The following SSH1 variants were observed in gnomAD, a reference collection of about 807,000 sequenced individuals.
SSH1 encodes the protein protein phosphatase Slingshot homolog 1.
Under a neutral mutation model 79.7 loss-of-function variants are expected in SSH1, and 43 were observed. That is an observed-to-expected ratio of 0.54 (90% CI 0.42 to 0.70). The LOEUF (loss-of-function observed/expected upper bound fraction) is 0.70, where lower values mean the gene tolerates loss of function less well. Among genes scored for constraint, SSH1 ranks in the 30% least tolerant of loss-of-function variants. The pLI, the probability that SSH1 is intolerant of heterozygous loss-of-function variation, is 0.00. For missense variants in SSH1, 1,206 were observed against 1,358.8 expected (o/e 0.89, Z 1.77); for synonymous variants, 599 against 538.3 (o/e 1.11, Z -1.56).
Position 108,857,562 on chromosome 12 carries a change from C to CGGGCCG in SSH1, c.-72_-67dup, listed in dbSNP as rs2039170648. ...TAGAGCCGCCACCGCCACCGCCGCC[C>CGGGCCG]GGGCCGGGCCCGGGGCCTCCTGGAG... On this transcript the variant is annotated 5_prime_UTR_variant, in exon 1 of 15. Transcript: ENST00000326495. The surrounding 1 kb of genome is among the most constrained non-coding windows in gnomAD (Gnocchi z 4.7). 1.0e-6 allele frequency: 1 copy of CGGGCCG among 966,412 alleles called. No individual in the cohort carries two copies. The highest frequency in any genetic ancestry group is 1.8e-5 in the African/African-American group (1 of 55,792). 59.9% of individuals were successfully genotyped at this position (966,412 alleles called of 1,614,324 possible). A position where few individuals can be genotyped will look rare whatever the true frequency, so the allele number is the denominator to read the frequency against.
chr12:108,811,634 G>T (rs535793866), intron 5 of SSH1: 56 of 446,430 alleles, frequency 1.3e-4, no homozygotes, highest in Middle Eastern at 6.7e-4. Flanking sequence ...TGTGTACTTG[G>T]GGGTACATAG....
Position 108,788,136 on chromosome 12 carries a change from A to G in SSH1, c.3002T>C (p.Val1001Ala). The G allele has an allele frequency of 1.2e-6, 2 of 1,613,998 alleles. No individual in the cohort carries two copies. Among genetic ancestry groups the G allele is most frequent in the Non-Finnish European group, 1.7e-6 (2 of 1,180,008 alleles). The change falls in exon 15 of 15, where the codon GTC becomes GCC. Residue 1001 changes from valine to alanine, a missense_variant. Around this residue, in one of 5 missense-constraint regions of SSH1, gnomAD observed 709 missense variants for 730.6 expected, o/e 0.97. Transcript: ENST00000326495. ...CAAAGTGGTGTCCTGGGAGTCAGCG[A>G]CGGTGGACGGGTCAGCCTCACTGGA... The part of the protein sequence containing the change: ...DLSSEADPST[V>A]ADSQDTTLSE...
Position 108,785,385 on chromosome 12 carries a change from G to C in SSH1, c.*2603C>G, listed in dbSNP as rs899130542. On this transcript the variant is annotated 3_prime_UTR_variant, in exon 15 of 15. Transcript: ENST00000326495. ...GATCCGCCTGCCTCGGCCTCCCAAA[G>C]TGCTAGGATTACAGGCGTGAGCCAC... is the stretch of plus-strand genomic sequence containing the variant. The C allele has an allele frequency of 1.3e-5, 2 of 152,308 alleles. No homozygotes were observed. Among genetic ancestry groups the C allele is most frequent in the African/African-American group, 4.8e-5 (2 of 41,446 alleles). The allele number at this position is 152,308 out of a possible 1,614,324, so 9.4% of individuals were successfully genotyped here. A position where few individuals can be genotyped will look rare whatever the true frequency, so the allele number is the denominator to read the frequency against.
intron 2 of SSH1, among the ~76,000 whole-genome samples, chr12:108,829,862 G>A (rs570041366): frequency 1.3e-5 from 2 of 152,296 alleles, no homozygotes; most frequent in South Asian, 4.1e-4. Flanking sequence ...AGCACTTTGG[G>A]AGGTCAAAGT....
Position 108,782,492 on chromosome 12 carries a change from A to C in SSH1, c.*5496T>G, listed in dbSNP as rs2036159737. The C allele has an allele frequency of 6.6e-6, 1 of 152,072 alleles. No individual in the cohort carries two copies. The highest frequency in any genetic ancestry group is 1.5e-5 in the Non-Finnish European group (1 of 67,992). The allele number at this position is 152,072 out of a possible 1,614,324, so 9.4% of individuals were successfully genotyped here. ...ACTGACAAAATTAGAAAGAAAACAG[A>C]CTAGTTCCAGGAGGAACTATCATTT... On this transcript the variant is annotated 3_prime_UTR_variant, in exon 15 of 15. Coordinates refer to ENST00000326495, the MANE Select transcript of SSH1 (RefSeq NM_018984.4).
intron 2 of SSH1, among the ~76,000 whole-genome samples, chr12:108,832,363 A>G (rs1203213672): frequency 6.6e-6 from 1 of 150,768 alleles, no homozygotes; most frequent in East Asian, 1.9e-4. Context: ...AGACTGGGAG[A>G]AGATAAATGA....
intron 6 of SSH1, among the ~76,000 whole-genome samples, chr12:108,810,297 G>C (rs765662683): frequency 2.6e-5 from 4 of 152,018 alleles, no homozygotes; most frequent in Non-Finnish European, 5.9e-5. Context: ...CGAGGAGGGT[G>C]GATCACCTGA....
chr12:108,788,841 G>A lies in SSH1; in HGVS notation c.2297C>T (p.Pro766Leu). 6.2e-7 allele frequency: 1 copy of A among 1,614,214 alleles called. No homozygotes were observed. Among genetic ancestry groups the A allele is most frequent in the Non-Finnish European group, 8.5e-7 (1 of 1,180,042 alleles). Residue 766 changes from proline to leucine, a missense_variant, in exon 15 of 15, where the codon CCT (proline) becomes CTT (leucine). By Grantham distance (98) the Pro-to-Leu change is moderately conservative (BLOSUM62 -3). This residue lies in a region of SSH1 where 709 missense variants were observed against 730.6 expected (regional missense o/e 0.97). Transcript: ENST00000326495. The stretch of plus-strand genomic sequence containing the variant: ...CTTTATTACCACTTCTGTGCTGGGA[G>A]GGTTCTTATCACAGTGAGAATTCTT... ...LLKNSHCDKN[P>L]PSTEVVIKEE...
intron 5 of SSH1, 102 bp from the exon 6 acceptor site, chr12:108,811,430 G>T: frequency 9.9e-7 from 1 of 1,009,250 alleles, no homozygotes; most frequent in Non-Finnish European, 1.6e-6. Context: ...TTGGACGTAC[G>T]TGTGGGAGTA....
rs142714325 is a variant in SSH1, at chr12:108,786,610, G to A, written c.*1378C>T. 6.6e-6 allele frequency: 1 copy of A among 152,306 alleles called. No individual in the cohort carries two copies. The highest frequency in any genetic ancestry group is 1.9e-4 in the East Asian group (1 of 5,186). The allele number at this position is 152,306 out of a possible 1,614,324, so 9.4% of individuals were successfully genotyped here. On this transcript the variant is annotated 3_prime_UTR_variant, in exon 15 of 15. Transcript: ENST00000326495. ...AGGTAAAAGCCATCGCTTGAGCCAG[G>A]GAGGTTGATGCTGCAGTGAGTCATG...
chr12:108,826,114 A>G (rs2038299297), intron 2 of SSH1: 1 of 454,872 alleles, frequency 2.2e-6, no homozygotes, highest in African/African-American at 2.0e-5. Flanking sequence ...CAGAAACCCA[A>G]GCACGCTGGA....
At chr12:108,830,331 A>G (rs1161212209) in intron 2 of SSH1, among the ~76,000 whole-genome samples, 2 of 152,176 alleles carry the variant, frequency 1.3e-5, no homozygotes, top group Admixed American at 1.3e-4. Flanking sequence ...GCACACTTGT[A>G]GTCCCAGCTT....
chr12:108,823,411 A>G, intron 2 of SSH1, 50 bp from the exon 3 acceptor site: 1 of 1,471,110 alleles, frequency 6.8e-7, no homozygotes, highest in South Asian at 1.2e-5. Context: ...CAGACAGGAA[A>G]ATGGACAAAG....
chr12:108,807,845 C>T lies in SSH1; in HGVS notation c.537-18G>A. On this transcript the variant is annotated intron_variant, in intron 7 of 14. Coordinates refer to ENST00000326495, the MANE Select transcript of SSH1 (RefSeq NM_018984.4). This position sits in a 1 kb window ranked among gnomAD's most constrained non-coding sequence, Gnocchi z 5.2. The stretch of plus-strand genomic sequence containing the variant: ...GGGCAGACCTGGGGCGAGGAGAAGA[C>T]AGGGTCAGGCCTGGGAAGGCACAAG... 3 of 1,613,214 alleles carry T rather than the reference C, an allele frequency of 1.9e-6. No homozygotes were observed. The highest frequency in any genetic ancestry group is 8.5e-7 in the Non-Finnish European group (1 of 1,179,908).
rs548776940 is a variant in SSH1 at position 108,817,168 on chromosome 12, G to C, written c.280-9C>G. Reference sequence around the variant, plus strand: ...CTCTCCAGGCGCACTGCCTGGAACAGGGCAGACATGCTCTCACTAACCTGC... The same window carrying C: ...CTCTCCAGGCGCACTGCCTGGAACACGGCAGACATGCTCTCACTAACCTGC... On this transcript the variant is annotated splice_polypyrimidine_tract_variant and intron_variant, in intron 4 of 14. Coordinates refer to ENST00000326495, the MANE Select transcript of SSH1 (RefSeq NM_018984.4). The C allele has an allele frequency of 1.2e-6, 2 of 1,613,460 alleles. No individual in the cohort carries two copies. The highest frequency in any genetic ancestry group is 1.7e-5 in the Admixed American group (1 of 60,026).
At chr12:108,801,297 A>G (rs1004346925) in intron 11 of SSH1, among the ~76,000 whole-genome samples, 1 of 152,248 alleles carries the variant, frequency 6.6e-6, no homozygotes, top group African/African-American at 2.4e-5. Context: ...TAAAGAGCTA[A>G]AAAGCAGACT....
At position 108,823,675 on chromosome 12, in the gene SSH1, C is replaced by CT. The variant is rs577280219; in HGVS notation, c.111-315dup. ...ACTGTCATATAACATTTTCTTCTTT[C>CT]TTTTTTTTTTGAGACGCAGTTTCAC... On this transcript the variant is annotated intron_variant, in intron 2 of 14. Coordinates refer to ENST00000326495, the MANE Select transcript of SSH1 (RefSeq NM_018984.4). Among the ~76,000 whole-genome samples, 264 of 149,290 alleles carry CT rather than the reference C, an allele frequency of 1.8e-3. 1 individual carries two copies. The highest frequency in any genetic ancestry group is 9.9e-3 in the East Asian group (51 of 5,134).
intron 5 of SSH1, among the ~76,000 whole-genome samples, chr12:108,813,690 AGAG>A (rs1446433185): frequency 1.2e-4 from 17 of 137,146 alleles, no homozygotes; most frequent in African/African-American, 4.3e-4. Context: ...CCTGGGTGAC[AGAG>A]CGAGATCCTG....
intron 14 of SSH1, among the ~76,000 whole-genome samples, chr12:108,790,993 G>A (rs1593003595): frequency 6.6e-6 from 1 of 152,354 alleles, no homozygotes; most frequent in East Asian, 1.9e-4. Context: ...CCAGGTTGAA[G>A]CTCAAACCTT....
Sources: allele counts gnomAD v4.1 joint callset (sites outside exome capture counted in the v4.1 genomes callset), GRCh38; gene constraint gnomAD v4.1.1; regional missense constraint gnomAD v4.1.1; non-coding constraint Gnocchi (gnomAD v3.1); transcripts MANE v1.5; gene names NCBI Gene and HGNC (gene_info 2026-07-23, HGNC 2026-07-21).